The following FAM53A variants were observed in gnomAD, a reference collection of about 807,000 sequenced individuals.
The protein encoded by FAM53A is protein FAM53A.
A neutral mutation model predicts 26.6 loss-of-function variants in FAM53A; 28 were observed. The observed-to-expected ratio is 1.05, with a 90% CI of 0.78 to 1.45. FAM53A has a LOEUF of 1.45. Ranked by LOEUF, FAM53A falls within the 40% of genes most tolerant of loss-of-function variation. FAM53A has a pLI of 0.00. For synonymous variants in FAM53A, 290 were observed against 253.1 expected (o/e 1.15, Z -1.38); for missense variants, 650 against 575.8 (o/e 1.13, Z -1.32).
chr4:1,648,727 A>C (rs1274853621), intron 4 of FAM53A, among the ~76,000 whole-genome samples: 1 of 152,242 alleles, frequency 6.6e-6, no homozygotes, highest in Non-Finnish European at 1.5e-5. Flanking sequence ...ATAAACGAAA[A>C]GCTTTTATTT....
the FAM53A span, among the ~76,000 whole-genome samples, chr4:1,607,354 AG>A: frequency 4.0e-5 from 6 of 150,392 alleles, no homozygotes; most frequent in Non-Finnish European, 7.4e-5. Context: ...TAGCCATCCT[AG>A]TGGGTGTCTC....
At chr4:1,677,835 C>A (rs1223477475) in intron 1 of FAM53A, among the ~76,000 whole-genome samples, 1 of 152,186 alleles carries the variant, frequency 6.6e-6, no homozygotes, top group Non-Finnish European at 1.5e-5. Flanking sequence ...ATCCCAGCTA[C>A]TCAGGAGGCC....
intron 1 of FAM53A, among the ~76,000 whole-genome samples, chr4:1,631,269 G>T (rs565199701): frequency 5.4e-4 from 82 of 152,298 alleles, no homozygotes; most frequent in African/African-American, 1.8e-3. Flanking sequence ...CAATAGCAGC[G>T]GTGGACAAGC....
chr4:1,595,637 A>G, the FAM53A span, among the ~76,000 whole-genome samples: 1 of 152,290 alleles, frequency 6.6e-6, no homozygotes, highest in Non-Finnish European at 1.5e-5. Context: ...CCCTCCTGAC[A>G]CTGCAAAGCC....
At chr4:1,681,070 G>C (rs1002387080) in intron 1 of FAM53A, among the ~76,000 whole-genome samples, 1 of 152,132 alleles carries the variant, frequency 6.6e-6, no homozygotes, top group Non-Finnish European at 1.5e-5. Flanking sequence ...TCCTGCATGT[G>C]TGAGGGCAGA....
chr4:1,600,101 C>T, the FAM53A span, among the ~76,000 whole-genome samples: 4 of 152,202 alleles, frequency 2.6e-5, no homozygotes, highest in Admixed American at 6.5e-5. Context: ...GTCCTCCCCT[C>T]GCCAGAGTCC....
At chr4:1,648,872 TG>T (rs1275854881) in intron 4 of FAM53A, among the ~76,000 whole-genome samples, 1 of 152,110 alleles carries the variant, frequency 6.6e-6, no homozygotes, top group Non-Finnish European at 1.5e-5. Context: ...CAGCACTTTG[TG>T]AGGCCAAGGC....
chr4:1,644,401 A>T, intron 4 of FAM53A: 1 of 1,518,542 alleles, frequency 6.6e-7, no homozygotes, highest in Non-Finnish European at 8.8e-7. Flanking sequence ...GGTGCAGGAG[A>T]AAAAACTTCT....
intron 1 of FAM53A, among the ~76,000 whole-genome samples, chr4:1,626,437 G>A (rs944870647): frequency 3.3e-5 from 5 of 152,224 alleles, no homozygotes; most frequent in African/African-American, 4.8e-5. Flanking sequence ...CAGACCCAGC[G>A]GGGAAGTCGG....
the FAM53A span, among the ~76,000 whole-genome samples, chr4:1,581,711 C>G: frequency 6.6e-6 from 1 of 152,144 alleles, no homozygotes; most frequent in Admixed American, 6.5e-5. Flanking sequence ...TTCTCCTGCC[C>G]AGGCTCCCAA....
At chr4:1,579,185 C>T in the FAM53A span, among the ~76,000 whole-genome samples, 1 of 149,926 alleles carries the variant, frequency 6.7e-6, no homozygotes, top group Non-Finnish European at 1.5e-5. Flanking sequence ...CCCCCCCTGC[C>T]CTCCCTGCCC....
intron 2 of FAM53A, 102 bp from the exon 3 acceptor site, chr4:1,657,570 G>A (rs946892409): frequency 6.1e-6 from 6 of 979,398 alleles, no homozygotes; most frequent in African/African-American, 3.3e-5. Context: ...TTTCCCCAGT[G>A]TTTTCTTTCT....
Position 1,649,169 on chromosome 4 carries a change from A to T in FAM53A, c.882+5809T>A, listed in dbSNP as rs1201916055. On this transcript the variant is annotated intron_variant, in intron 4 of 4. Coordinates refer to ENST00000308132, the MANE Select transcript of FAM53A (RefSeq NM_001174070.3). ...AAAGGGAAGGGGAAAGGGAAGGGGAAAGGGAAAGGGAAGGGGAAGGGGAAG... is the reference window on the plus strand; with the variant it reads ...AAAGGGAAGGGGAAAGGGAAGGGGATAGGGAAAGGGAAGGGGAAGGGGAAG... Among the ~76,000 whole-genome samples the T allele has an allele frequency of 3.1e-5, 4 of 129,898 alleles. No individual in the cohort carries two copies. In the East Asian group the frequency reaches 9.6e-4, roughly 31 times the overall value. 85.2% of individuals were successfully genotyped at this position (129,898 alleles called of 152,430 possible). A position where few individuals can be genotyped will look rare whatever the true frequency, so the allele number is the denominator to read the frequency against.
intron 1 of FAM53A, among the ~76,000 whole-genome samples, chr4:1,680,040 T>G (rs1356894811): frequency 1.5e-4 from 11 of 74,308 alleles, no homozygotes; most frequent in South Asian, 4.1e-4. Flanking sequence ...AAAAAAAAAG[T>G]CCGGGCACGG....
the FAM53A span, among the ~76,000 whole-genome samples, chr4:1,606,025 G>A: frequency 4.0e-5 from 6 of 150,434 alleles, no homozygotes; most frequent in East Asian, 3.9e-4. Flanking sequence ...AAAATGCTGC[G>A]GGTTTCCTAT....
At chr4:1,638,419 C>T (rs77229079), downstream of FAM53A, among the ~76,000 whole-genome samples, 1,404 of 152,250 alleles carry the variant, frequency 9.2e-3, 16 homozygotes, top group African/African-American at 0.032. Context: ...ACTGCCCCAC[C>T]GAGGGCCCCA....
chr4:1,600,490 C>T, the FAM53A span, among the ~76,000 whole-genome samples: 25 of 152,134 alleles, frequency 1.6e-4, no homozygotes, highest in African/African-American at 5.5e-4. Flanking sequence ...AGGAGGCCAC[C>T]CACCCACCCG....
chr4:1,637,507 C>T (rs974897378), downstream of FAM53A, among the ~76,000 whole-genome samples: 2 of 152,072 alleles, frequency 1.3e-5, no homozygotes, highest in African/African-American at 4.8e-5. Context: ...GGGAAGCCAT[C>T]CCTCTCTCAT....
downstream of FAM53A, among the ~76,000 whole-genome samples, chr4:1,614,597 G>C (rs1468943223): frequency 6.6e-6 from 1 of 152,128 alleles, no homozygotes; most frequent in Non-Finnish European, 1.5e-5. Flanking sequence ...AGCAGCAAGA[G>C]GACGGGGCGC....
Sources: gnomAD v4.1 joint callset for allele counts (sites outside exome capture counted in the v4.1 genomes callset) on GRCh38, gnomAD v4.1.1 for gene constraint, MANE v1.5 for transcripts, NCBI Gene and HGNC (gene_info 2026-07-23, HGNC 2026-07-21) for gene names.